The following CNTNAP2 variants were observed in gnomAD, a reference collection of about 807,000 sequenced individuals.
CNTNAP2 encodes the protein contactin associated protein 2.
Under a neutral mutation model 155.2 loss-of-function variants are expected in CNTNAP2, and 98 were observed. The observed-to-expected ratio is 0.63, with a 90% CI of 0.54 to 0.75. The LOEUF (loss-of-function observed/expected upper bound fraction) is 0.75. Among genes scored for constraint, CNTNAP2 ranks in the 30% least tolerant of loss-of-function variants. The pLI, the probability that CNTNAP2 is intolerant of heterozygous loss-of-function variation, is 0.00. For synonymous variants in CNTNAP2, 651 were observed against 631.2 expected (o/e 1.03, Z -0.47); for missense variants, 1,727 against 1,688.1 (o/e 1.02, Z -0.40).
intron 1 of CNTNAP2, among the ~76,000 whole-genome samples, chr7:146,406,303 A>C (rs2129109742): frequency 6.6e-6 from 1 of 152,328 alleles, no homozygotes; most frequent in East Asian, 1.9e-4. Flanking sequence ...CTATTTTTTA[A>C]CAAAATGTTG....
intron 21 of CNTNAP2, among the ~76,000 whole-genome samples, chr7:148,298,445 T>C (rs928878078): frequency 1.3e-5 from 2 of 152,140 alleles, no homozygotes; most frequent in African/African-American, 4.8e-5. Flanking sequence ...AAGAACTATC[T>C]TTCTAATTTT....
At chr7:147,592,395 A>G (rs1278051303) in intron 12 of CNTNAP2, among the ~76,000 whole-genome samples, 1 of 152,050 alleles carries the variant, frequency 6.6e-6, no homozygotes, top group East Asian at 1.9e-4. Context: ...ATATGCATAT[A>G]AAAATTAAAA....
At chr7:148,187,874 G>C (rs1198380634) in intron 18 of CNTNAP2, among the ~76,000 whole-genome samples, 5 of 152,054 alleles carry the variant, frequency 3.3e-5, no homozygotes, top group African/African-American at 4.8e-5. Flanking sequence ...GAGTATGCTT[G>C]AGCAGTCCCC....
At chr7:147,812,184 C>T (rs1277963732) in intron 13 of CNTNAP2, among the ~76,000 whole-genome samples, 1 of 151,974 alleles carries the variant, frequency 6.6e-6, no homozygotes, top group Non-Finnish European at 1.5e-5. Context: ...AGCGGCCAGT[C>T]CAGAGGCTCA....
Position 148,267,141 on chromosome 7 carries a change from C to T in CNTNAP2, c.3475+15C>T, listed in dbSNP as rs201902109. On this transcript the variant is annotated intron_variant, in intron 21 of 23. Transcript: ENST00000361727. Reference sequence around the variant, plus strand: ...AAAAGTTATAGGTAAGAATGTGGTTCGTTAGGTATAAATGCGTGCTACAAA... The same window carrying T: ...AAAAGTTATAGGTAAGAATGTGGTTTGTTAGGTATAAATGCGTGCTACAAA... 211 of 1,599,176 alleles carry T rather than the reference C, an allele frequency of 1.3e-4. No individual in the cohort carries two copies. Among genetic ancestry groups the T allele is most frequent in the Non-Finnish European group, 1.8e-4 (205 of 1,166,724 alleles).
At chr7:147,222,505 G>A (rs1181635614) in intron 8 of CNTNAP2, among the ~76,000 whole-genome samples, 2 of 151,982 alleles carry the variant, frequency 1.3e-5, no homozygotes, top group African/African-American at 4.8e-5. Context: ...TCCATTTAGA[G>A]CCCTTAGCAT....
intron 3 of CNTNAP2, among the ~76,000 whole-genome samples, chr7:147,028,848 T>C (rs1018770024): frequency 2.0e-5 from 3 of 151,502 alleles, no homozygotes; most frequent in African/African-American, 7.3e-5. Context: ...TGTGAGAAAG[T>C]AGCGAGAACA....
intron 2 of CNTNAP2, among the ~76,000 whole-genome samples, chr7:146,803,224 A>C (rs2129191987): frequency 6.6e-6 from 1 of 152,308 alleles, no homozygotes; most frequent in Non-Finnish European, 1.5e-5. Flanking sequence ...GAAAAGAATA[A>C]CTTCCCAGAT....
At chr7:146,193,639 C>T (rs1268443925) in intron 1 of CNTNAP2, among the ~76,000 whole-genome samples, 1 of 152,240 alleles carries the variant, frequency 6.6e-6, no homozygotes, top group Admixed American at 6.5e-5. Context: ...TCCTAGGCCA[C>T]TGTGCCTGTG....
Position 147,488,530 on chromosome 7 carries a change from A to G in CNTNAP2, c.1777+2489A>G, listed in dbSNP as rs1798549846. Among the ~76,000 whole-genome samples the G allele has an allele frequency of 3.5e-5, 5 of 141,716 alleles. No individual in the cohort carries two copies. The South Asian group carries it at 1.2e-3, about 34-fold the overall frequency. The allele number at this position is 141,716 out of a possible 152,430, so 93.0% of individuals were successfully genotyped here. On this transcript the variant is annotated intron_variant, in intron 11 of 23. Coordinates refer to ENST00000361727, the MANE Select transcript of CNTNAP2 (RefSeq NM_014141.6). ...ATTCATCTTGAAAAGAAATCATGCT[A>G]ATTATTTTAAATAGTATTTTTTTTT... is the stretch of plus-strand genomic sequence containing the variant.
chr7:148,148,674 A>C (rs1563215056), intron 17 of CNTNAP2, among the ~76,000 whole-genome samples: 2 of 152,262 alleles, frequency 1.3e-5, no homozygotes, highest in Non-Finnish European at 2.9e-5. Flanking sequence ...CAAGGGGCAG[A>C]GTCCCCACAG....
At chr7:146,870,213 C>CT (rs35523634) in intron 3 of CNTNAP2, among the ~76,000 whole-genome samples, 44,444 of 142,880 alleles carry the variant, frequency 0.31, 6,534 homozygotes, top group African/African-American at 0.35. Context: ...AGGTCCTGGG[C>CT]TTTTTTTTTT....
At chr7:147,463,047 A>G (rs1053407102) in intron 10 of CNTNAP2, among the ~76,000 whole-genome samples, 2 of 152,204 alleles carry the variant, frequency 1.3e-5, no homozygotes, top group South Asian at 4.1e-4. Flanking sequence ...ATTATGATGA[A>G]AGAGTAAGCG....
chr7:146,318,873 T>C (rs1800953372), intron 1 of CNTNAP2, among the ~76,000 whole-genome samples: 1 of 152,184 alleles, frequency 6.6e-6, no homozygotes, highest in South Asian at 2.1e-4. Context: ...AGTAATGCAA[T>C]ACATAATATG....
At chr7:148,330,469 G>A (rs1439043106) in intron 21 of CNTNAP2, among the ~76,000 whole-genome samples, 6 of 150,760 alleles carry the variant, frequency 4.0e-5, no homozygotes, top group Non-Finnish European at 8.9e-5. Context: ...TGGAGTGGAT[G>A]GATGAAGTGG....
In CNTNAP2 at chr7:146,839,861, C is replaced by T. The variant is rs1585116406; in HGVS notation, c.359C>T (p.Thr120Ile). Residue 120 changes from threonine (T) to isoleucine (I), a missense_variant, in exon 3 of 24, where the codon ACA (threonine) becomes ATA (isoleucine). Physicochemically the swap from Thr to Ile is moderately conservative, Grantham distance 89. Coordinates refer to ENST00000361727, the MANE Select transcript of CNTNAP2 (RefSeq NM_014141.6). ...VTQYRMLYSD[T>I]GRNWKPYHQD... ...CAATACCGGATGCTCTACAGCGACACAGGGAGAAACTGGAAACCCTATCAT... is the reference window on the plus strand; with the variant it reads ...CAATACCGGATGCTCTACAGCGACATAGGGAGAAACTGGAAACCCTATCAT... The T allele has an allele frequency of 1.1e-5, 18 of 1,614,092 alleles. No individual in the cohort carries two copies. Among genetic ancestry groups the T allele is most frequent in the Middle Eastern group, 1.6e-4 (1 of 6,062 alleles).
chr7:148,119,624 T>C (rs1306748650), intron 16 of CNTNAP2, among the ~76,000 whole-genome samples: 1 of 152,216 alleles, frequency 6.6e-6, no homozygotes, highest in African/African-American at 2.4e-5. Flanking sequence ...CCCAAATCCA[T>C]TTCCCATTTC....
intron 3 of CNTNAP2, among the ~76,000 whole-genome samples, chr7:146,889,773 T>G (rs910671019): frequency 6.6e-6 from 1 of 152,154 alleles, no homozygotes; most frequent in Non-Finnish European, 1.5e-5. Context: ...TATTATATTA[T>G]CATATAAATT....
chr7:146,319,073 A>G (rs1800957711), intron 1 of CNTNAP2, among the ~76,000 whole-genome samples: 3 of 152,122 alleles, frequency 2.0e-5, no homozygotes, highest in South Asian at 2.1e-4. Flanking sequence ...AGCTCCGGCA[A>G]CCTGGCTCTA....
Sources: gnomAD v4.1 joint callset for allele counts (sites outside exome capture counted in the v4.1 genomes callset) on GRCh38, gnomAD v4.1.1 for gene constraint, MANE v1.5 for transcripts, NCBI Gene and HGNC (gene_info 2026-07-23, HGNC 2026-07-21) for gene names.